DIAPH2: variants seen among roughly 807,000 people sequenced by gnomAD.
DIAPH2 encodes the protein protein diaphanous homolog 2.
A neutral mutation model predicts 92.7 loss-of-function variants in DIAPH2; 35 were observed. That is an observed-to-expected ratio of 0.38 (90% CI 0.29 to 0.50). The LOEUF is 0.50. Ranked by LOEUF, DIAPH2 falls within the 20% of genes least tolerant of loss-of-function variation. The pLI is 0.94. For missense variants in DIAPH2, 701 were observed against 819.5 expected (o/e 0.86, Z 1.77); for synonymous variants, 301 against 280.4 (o/e 1.07, Z -0.73).
intron 17 of DIAPH2, among the ~76,000 whole-genome samples, chrX:96,978,176 A>G (rs1001347313): frequency 1.8e-5 from 2 of 111,712 alleles, no homozygotes; most frequent in East Asian, 2.8e-4. Context: ...TAAGAAATTA[A>G]TTTAGAGAGG....
rs745454521 is a variant in DIAPH2, at chrX:97,401,584, C to T, written c.3145+17540C>T. Among the ~76,000 whole-genome samples the T allele has an allele frequency of 9.0e-5, 10 of 111,723 alleles. No homozygotes were observed. In the South Asian group the frequency reaches 3.8e-3, roughly 42 times the overall value. On this transcript the variant is annotated intron_variant, in intron 25 of 26. Coordinates refer to ENST00000324765, the MANE Select transcript of DIAPH2 (RefSeq NM_006729.5). ...CCCTGCTACTGTGGGTTTAGTACTT[C>T]AGATTCTTGCCATGCTGCAGCTTCA...
intron 4 of DIAPH2, among the ~76,000 whole-genome samples, chrX:96,824,370 G>T (rs916887384): frequency 1.8e-5 from 2 of 110,633 alleles, no homozygotes; most frequent in African/African-American, 6.6e-5. Context: ...AAATGCTTTG[G>T]TACAGATGTG....
chrX:96,885,679 A>G (rs1237189999), intron 5 of DIAPH2, among the ~76,000 whole-genome samples: 4 of 110,167 alleles, frequency 3.6e-5, no homozygotes, highest in African/African-American at 1.0e-4. Context: ...TTCTTAAAAT[A>G]AGATTATACT....
chrX:96,711,394 G>T lies in DIAPH2; in HGVS notation c.133-24364G>T, dbSNP rs143006867. 2.5e-3 allele frequency among the ~76,000 whole-genome samples: 282 copies of T among 111,665 alleles called. 2 individuals are homozygous for T. Among genetic ancestry groups the T allele is most frequent in the African/African-American group, 8.6e-3 (266 of 30,772 alleles). ...ATTCTTGCAGGAGTAAGGTGGTATC[G>T]CATTGTGGGTTTAATTTGCACTTCC... On this transcript the variant is annotated intron_variant, in intron 1 of 26. Transcript: ENST00000324765.
intron 23 of DIAPH2, among the ~76,000 whole-genome samples, chrX:97,325,327 T>C (rs1211929152): frequency 9.0e-6 from 1 of 111,446 alleles, no homozygotes; most frequent in Non-Finnish European, 1.9e-5. Context: ...TGCCTAATAG[T>C]ATTGCTCAAG....
chrX:96,719,409 A>G (rs980478812), intron 1 of DIAPH2, among the ~76,000 whole-genome samples: 9 of 112,399 alleles, frequency 8.0e-5, no homozygotes, highest in Non-Finnish European at 1.9e-5. Flanking sequence ...TAACAGTTTC[A>G]TAATTTGAGG....
chrX:96,781,990 A>G (rs2064421134), intron 4 of DIAPH2, among the ~76,000 whole-genome samples: 1 of 112,338 alleles, frequency 8.9e-6, no homozygotes, highest in Non-Finnish European at 1.9e-5. Context: ...TCATATAGTG[A>G]CTTTAAAAGT....
At chrX:97,127,182 CA>C (rs1158729875) in intron 21 of DIAPH2, among the ~76,000 whole-genome samples, 2 of 111,621 alleles carry the variant, frequency 1.8e-5, no homozygotes, top group African/African-American at 6.5e-5. Flanking sequence ...TTCCTTTTGC[CA>C]GAGGATATCA....
At chrX:96,707,027 G>C (rs1005799744) in intron 1 of DIAPH2, among the ~76,000 whole-genome samples, 1 of 110,185 alleles carries the variant, frequency 9.1e-6, no homozygotes, top group Admixed American at 9.6e-5. Context: ...AGGTGGGCAC[G>C]GTGACTCAAG....
At chrX:96,929,857 C>A (rs1282353214) in intron 9 of DIAPH2, among the ~76,000 whole-genome samples, 1 of 110,238 alleles carries the variant, frequency 9.1e-6, no homozygotes, top group Non-Finnish European at 1.9e-5. Context: ...TTCAGTTAAA[C>A]AATTAGCCAG....
At chrX:97,188,116 A>G (rs902976269) in intron 22 of DIAPH2, among the ~76,000 whole-genome samples, 3 of 112,172 alleles carry the variant, frequency 2.7e-5, no homozygotes, top group African/African-American at 9.7e-5. Flanking sequence ...TGCAGATAAA[A>G]TCTTAGAGAA....
At chrX:96,770,171 C>T (rs2064329104) in intron 4 of DIAPH2, among the ~76,000 whole-genome samples, 1 of 106,354 alleles carries the variant, frequency 9.4e-6, no homozygotes, top group Non-Finnish European at 1.9e-5. Flanking sequence ...GCACCCCAGC[C>T]TGGGTGACAG....
intron 23 of DIAPH2, among the ~76,000 whole-genome samples, chrX:97,296,776 C>CTTT (rs1277806851): frequency 1.0e-5 from 1 of 97,340 alleles, no homozygotes; most frequent in Non-Finnish European, 2.1e-5. Context: ...GGCTACAGAA[C>CTTT]TTTTTTTTTT....
Position 96,689,860 on chromosome X carries a change from G to T in DIAPH2, c.132+4670G>T, listed in dbSNP as rs1462317440. On this transcript the variant is annotated intron_variant, in intron 1 of 26. Transcript: ENST00000324765. ...CTATTCTTGAAAACCTGGCAGGCCG[G>T]TGCTTGGGTGCAAAACTATTCAGTA... Among the ~76,000 whole-genome samples the T allele has an allele frequency of 4.5e-5, 5 of 111,279 alleles. 1 individual carries two copies. The highest frequency in any genetic ancestry group is 1.6e-4 in the African/African-American group (5 of 30,562).
Position 97,046,888 on chromosome X carries a change from A to G in DIAPH2, c.2051-26053A>G, listed in dbSNP as rs187178022. ...TCAACTAAACTGGACCTATAGAAAA[A>G]AAGATCATCAGTTATGGTGATTGAA... On this transcript the variant is annotated intron_variant, in intron 17 of 26. Coordinates refer to ENST00000324765, the MANE Select transcript of DIAPH2 (RefSeq NM_006729.5). Among the ~76,000 whole-genome samples the G allele has an allele frequency of 2.8e-3, 314 of 111,021 alleles. 3 individuals carry two copies. Among genetic ancestry groups the G allele is most frequent in the African/African-American group, 9.9e-3 (302 of 30,528 alleles).
At chrX:96,852,089 AT>A (rs749522672) in intron 4 of DIAPH2, among the ~76,000 whole-genome samples, 28 of 112,357 alleles carry the variant, frequency 2.5e-4, no homozygotes, top group Non-Finnish European at 4.9e-4. Flanking sequence ...TATCTAGTCC[AT>A]TTTATATTTT....
chrX:96,792,160 T>TGGAACATTCC (rs1218728205), intron 4 of DIAPH2, among the ~76,000 whole-genome samples: 2 of 112,243 alleles, frequency 1.8e-5, no homozygotes, highest in African/African-American at 6.5e-5. Context: ...TTCCTTACTT[T>TGGAACATTCC]TATGTTCCAA....
intron 22 of DIAPH2, among the ~76,000 whole-genome samples, chrX:97,181,169 A>C (rs1237518471): frequency 3.7e-5 from 4 of 109,539 alleles, no homozygotes; most frequent in Non-Finnish European, 7.6e-5. Context: ...TCCTGGGTTC[A>C]AGTGATTCTC....
At chrX:97,176,858 C>T (rs780032952) in intron 22 of DIAPH2, among the ~76,000 whole-genome samples, 2 of 111,623 alleles carry the variant, frequency 1.8e-5, no homozygotes, top group African/African-American at 3.3e-5. Flanking sequence ...CTGCAGATTC[C>T]GAAATTCGTG....
Sources: allele counts gnomAD v4.1 joint callset (sites outside exome capture counted in the v4.1 genomes callset), GRCh38; gene constraint gnomAD v4.1.1; transcripts MANE v1.5; gene names NCBI Gene and HGNC (gene_info 2026-07-23, HGNC 2026-07-21).